The following EEA1 variants were observed in gnomAD, a reference collection of about 807,000 sequenced individuals.
The protein encoded by EEA1 is early endosome antigen 1, 162kD.
Under a neutral mutation model 209.2 loss-of-function variants are expected in EEA1, and 111 were observed. The ratio of observed to expected loss-of-function variants is 0.53; its 90% CI spans 0.45 to 0.62. The LOEUF (loss-of-function observed/expected upper bound fraction) is 0.62. Among genes scored for constraint, EEA1 ranks in the 20% least tolerant of loss-of-function variants. EEA1 has a pLI of 0.00. For synonymous variants in EEA1, 536 were observed against 540.6 expected (o/e 0.99, Z 0.12); for missense variants, 1,343 against 1,530.8 (o/e 0.88, Z 2.05).
At chr12:92,799,417 A>G (rs1484609192) in intron 20 of EEA1, among the ~76,000 whole-genome samples, 2 of 152,148 alleles carry the variant, frequency 1.3e-5, no homozygotes, top group African/African-American at 4.8e-5. Flanking sequence ...AATGATCTAC[A>G]TTAGTATTCT....
chr12:92,828,179 G>A (rs921551489), intron 11 of EEA1, 118 bp from the exon 12 acceptor site: 8 of 773,640 alleles, frequency 1.0e-5, no homozygotes, highest in Non-Finnish European at 1.4e-5. Context: ...TAATTTTCGT[G>A]ATACTTTGGG....
intron 21 of EEA1, among the ~76,000 whole-genome samples, chr12:92,795,361 G>A (rs901374553): frequency 2.0e-4 from 31 of 152,108 alleles, no homozygotes; most frequent in Admixed American, 1.8e-3. Flanking sequence ...ATACCTCTCT[G>A]TTTAGTTTCT....
At chr12:92,882,653 T>C (rs896696194) in intron 2 of EEA1, among the ~76,000 whole-genome samples, 2 of 152,182 alleles carry the variant, frequency 1.3e-5, no homozygotes, top group Non-Finnish European at 2.9e-5. Context: ...CTCCCATTTA[T>C]AAGTGAGAAC....
intron 2 of EEA1, among the ~76,000 whole-genome samples, chr12:92,874,136 AT>A (rs1878770775): frequency 6.6e-6 from 1 of 151,788 alleles, no homozygotes; most frequent in African/African-American, 2.4e-5. Flanking sequence ...AACATGGCAA[AT>A]TCCCATCTCT....
At chr12:92,814,110 G>T (rs544888476) in intron 15 of EEA1, among the ~76,000 whole-genome samples, 1 of 152,136 alleles carries the variant, frequency 6.6e-6, no homozygotes, top group Admixed American at 6.5e-5. Flanking sequence ...TAAAAATGGG[G>T]GGTGCATTCT....
intron 1 of EEA1, among the ~76,000 whole-genome samples, chr12:92,898,505 A>C (rs539054010): frequency 8.6e-5 from 13 of 152,008 alleles, no homozygotes; most frequent in African/African-American, 3.1e-4. Context: ...CTCTACTAAA[A>C]ATACAAAAAT....
intron 24 of EEA1, among the ~76,000 whole-genome samples, 170 bp downstream of exon 24, chr12:92,780,110 G>T (rs553116255): frequency 2.1e-4 from 32 of 152,194 alleles, no homozygotes; most frequent in Non-Finnish European, 2.4e-4. Flanking sequence ...ATGTGTACGG[G>T]TATTATGCAA....
chr12:92,819,669 A>G (rs1875958678), intron 13 of EEA1, among the ~76,000 whole-genome samples, 158 bp from the exon 14 acceptor site: 1 of 152,170 alleles, frequency 6.6e-6, no homozygotes, highest in African/African-American at 2.4e-5. Context: ...TTAAGTACTT[A>G]GAACTATATA....
chr12:92,777,040 C>G, intron 27 of EEA1, 98 bp from the exon 28 acceptor site: 2 of 1,207,216 alleles, frequency 1.7e-6, no homozygotes, highest in Non-Finnish European at 2.3e-6. Context: ...AAAATTTTGA[C>G]TATATGACCC....
At chr12:92,877,255 G>A (rs976394896) in intron 2 of EEA1, among the ~76,000 whole-genome samples, 1 of 151,536 alleles carries the variant, frequency 6.6e-6, no homozygotes, top group African/African-American at 2.4e-5. Flanking sequence ...GAGATTTCAG[G>A]CATGAGCCAC....
intron 10 of EEA1, among the ~76,000 whole-genome samples, chr12:92,834,042 G>A (rs949129903): frequency 6.6e-6 from 1 of 152,064 alleles, no homozygotes; most frequent in African/African-American, 2.4e-5. Flanking sequence ...TATAAGACAT[G>A]AAGGAAAAGG....
In EEA1 at chr12:92,842,450, C is replaced by T. The variant is rs372304088; in HGVS notation, c.915+15G>A. The T allele has an allele frequency of 4.9e-5, 63 of 1,276,086 alleles. No homozygotes were observed. The highest frequency in any genetic ancestry group is 1.3e-4 in the Admixed American group (7 of 55,790). 79.0% of individuals were successfully genotyped at this position (1,276,086 alleles called of 1,614,324 possible). A position where few individuals can be genotyped will look rare whatever the true frequency, so the allele number is the denominator to read the frequency against. ...AAAATCAATTTGCTATTATATATAG[C>T]TTTAAAATTCTCACCTGATTTTTTT... On this transcript the variant is annotated intron_variant, in intron 10 of 28. Transcript: ENST00000322349.
chr12:92,849,549 T>G (rs1180484581), intron 9 of EEA1, among the ~76,000 whole-genome samples: 4 of 152,214 alleles, frequency 2.6e-5, no homozygotes, highest in Non-Finnish European at 4.4e-5. Context: ...TGAAAATTTT[T>G]GGAATTAAGT....
At position 92,801,594 on chromosome 12, in the gene EEA1, T is replaced by C; in HGVS notation, c.2772+6A>G. 6.4e-7 allele frequency: 1 copy of C among 1,562,260 alleles called. No individual in the cohort carries two copies. Among genetic ancestry groups the C allele is most frequent in the South Asian group, 1.2e-5 (1 of 81,942 alleles). On this transcript the variant is annotated splice_donor_region_variant and intron_variant, in intron 20 of 28. Coordinates refer to ENST00000322349, the MANE Select transcript of EEA1 (RefSeq NM_003566.4). ...CAGATTTTATGTTACAAAAAAAAAA[T>C]CTTACCTCCTTCTCTTTTTCAAGTG...
chr12:92,869,109 T>C (rs1043104144), intron 2 of EEA1, among the ~76,000 whole-genome samples: 3 of 152,220 alleles, frequency 2.0e-5, no homozygotes, highest in Non-Finnish European at 2.9e-5. Flanking sequence ...GCATGACCTT[T>C]AGTTCATGGA....
chr12:92,838,365 G>T (rs1158146779), intron 10 of EEA1, among the ~76,000 whole-genome samples: 1 of 152,126 alleles, frequency 6.6e-6, no homozygotes, highest in African/African-American at 2.4e-5. Flanking sequence ...AACACTCACT[G>T]CTTGCAAACT....
At chr12:92,788,082 G>A in intron 21 of EEA1, 33 bp from the exon 22 acceptor site, 1 of 1,452,666 alleles carries the variant, frequency 6.9e-7, no homozygotes, top group South Asian at 1.6e-5. Flanking sequence ...AAAACAGTAT[G>A]CATTCCAAAA....
At chr12:92,810,439 C>T (rs1031268057) in intron 17 of EEA1, among the ~76,000 whole-genome samples, 13 of 151,974 alleles carry the variant, frequency 8.6e-5, no homozygotes, top group African/African-American at 2.7e-4. Context: ...AAGTACCTTG[C>T]CTTTGCTATT....
chr12:92,897,101 G>T (rs959435330), intron 1 of EEA1, among the ~76,000 whole-genome samples: 3 of 152,164 alleles, frequency 2.0e-5, no homozygotes, highest in Non-Finnish European at 4.4e-5. Flanking sequence ...TGGAGGCAAG[G>T]AAACTAAGGC....
Sources: allele counts gnomAD v4.1 joint callset (sites outside exome capture counted in the v4.1 genomes callset), GRCh38; gene constraint gnomAD v4.1.1; transcripts MANE v1.5; gene names NCBI Gene and HGNC (gene_info 2026-07-23, HGNC 2026-07-21).